The following EXT1 variants were observed in gnomAD, a reference collection of about 807,000 sequenced individuals.
EXT1 encodes the protein exostosin glycosyltransferase 1, also known as exostosin-1.
A neutral mutation model predicts 82.5 loss-of-function variants in EXT1; 20 were observed. The observed-to-expected ratio is 0.24, with a 90% CI of 0.17 to 0.35. EXT1 has a LOEUF of 0.35. Among genes scored for constraint, EXT1 ranks in the 10% least tolerant of loss-of-function variants. The pLI, the probability that EXT1 is intolerant of heterozygous loss-of-function variation, is 1.00. For missense variants in EXT1, 757 were observed against 936.5 expected (o/e 0.81, Z 2.50); for synonymous variants, 348 against 350.8 (o/e 0.99, Z 0.09).
chr8:117,938,938 C>T lies in EXT1; in HGVS notation c.963-101737G>A, dbSNP rs992968707. On this transcript the variant is annotated intron_variant, in intron 1 of 10. Transcript: ENST00000378204. ...CACACATTCACTGCCTCAGCTCCCA[C>T]GGAAACCCTTCGAGCATCCATCAGT... Among the ~76,000 whole-genome samples, 7 of 152,240 alleles carry T rather than the reference C, an allele frequency of 4.6e-5. No homozygotes were observed. In the East Asian group the frequency reaches 5.8e-4, roughly 13 times the overall value.
intron 1 of EXT1, among the ~76,000 whole-genome samples, chr8:117,988,655 T>A (rs1815372180): frequency 6.6e-6 from 1 of 152,062 alleles, no homozygotes; most frequent in African/African-American, 2.4e-5. Flanking sequence ...CCAACCCCAA[T>A]GTCAAGAGAG....
At chr8:117,968,549 ATTTATTT>A (rs1563615997) in intron 1 of EXT1, among the ~76,000 whole-genome samples, 1 of 11,318 alleles carries the variant, frequency 8.8e-5, no homozygotes, top group Non-Finnish European at 1.8e-4. Context: ...TTATTTATTT[ATTTATTT>A]TTTTTTTTTT....
At chr8:118,054,536 G>A (rs901924133) in intron 1 of EXT1, among the ~76,000 whole-genome samples, 16 of 152,174 alleles carry the variant, frequency 1.1e-4, no homozygotes, top group African/African-American at 3.9e-4. Flanking sequence ...CCCACACTTT[G>A]GCCAAGCATT....
At chr8:117,961,290 T>C (rs1814694853) in intron 1 of EXT1, among the ~76,000 whole-genome samples, 1 of 152,150 alleles carries the variant, frequency 6.6e-6, no homozygotes, top group Non-Finnish European at 1.5e-5. Context: ...GACTACAGGG[T>C]GCAGGTGACT....
Position 118,111,304 on chromosome 8 carries a change from C to A in EXT1, c.-258G>T. 3.3e-6 allele frequency: 2 copies of A among 610,590 alleles called. No homozygotes were observed. The highest frequency in any genetic ancestry group is 5.8e-6 in the Non-Finnish European group (2 of 346,108). 37.8% of individuals were successfully genotyped at this position (610,590 alleles called of 1,614,324 possible). The stretch of plus-strand genomic sequence containing the variant: ...AGAGAGCGGGGCTGAATATCTCGCA[C>A]CCAGGGCGGGCGAGCAGCGGACTGT... On this transcript the variant is annotated 5_prime_UTR_variant, in exon 1 of 11. Transcript: ENST00000378204.
At chr8:117,830,122 G>A in intron 4 of EXT1, 108 bp downstream of exon 4, 22 of 1,427,084 alleles carry the variant, frequency 1.5e-5, no homozygotes, top group Non-Finnish European at 2.1e-5. Flanking sequence ...CAGGAATCTG[G>A]TTTTGCCCCA....
At chr8:117,836,146 C>T (rs935926159) in intron 2 of EXT1, among the ~76,000 whole-genome samples, 5 of 152,060 alleles carry the variant, frequency 3.3e-5, no homozygotes, top group African/African-American at 4.8e-5. Context: ...TGGTCTGTGC[C>T]GGGAAATAAA....
At chr8:117,982,638 G>A (rs946933296) in intron 1 of EXT1, among the ~76,000 whole-genome samples, 6 of 152,012 alleles carry the variant, frequency 3.9e-5, no homozygotes, top group Non-Finnish European at 8.8e-5. Context: ...TTACAGGGGT[G>A]CGCCACCACA....
intron 1 of EXT1, among the ~76,000 whole-genome samples, chr8:117,958,841 T>A (rs1814639768): frequency 6.6e-6 from 1 of 152,238 alleles, no homozygotes; most frequent in African/African-American, 2.4e-5. Context: ...AAGGCCTTTT[T>A]TTCTTTCCTA....
chr8:117,909,228 T>G (rs537999353), intron 1 of EXT1, among the ~76,000 whole-genome samples: 1 of 152,122 alleles, frequency 6.6e-6, no homozygotes, highest in Non-Finnish European at 1.5e-5. Flanking sequence ...GAGTAAGACA[T>G]TGAGAAATGC....
intron 1 of EXT1, among the ~76,000 whole-genome samples, chr8:118,023,478 T>C (rs542114918): frequency 1.9e-4 from 29 of 152,320 alleles, no homozygotes; most frequent in African/African-American, 6.3e-4. Context: ...CTTCACTCTC[T>C]GAGCCATTTT....
intron 1 of EXT1, among the ~76,000 whole-genome samples, chr8:117,914,421 CA>C (rs1237873277): frequency 6.6e-6 from 1 of 152,058 alleles, no homozygotes; most frequent in Non-Finnish European, 1.5e-5. Flanking sequence ...AACAGAATAA[CA>C]GTGATTTTTA....
At position 118,111,017 on chromosome 8, in the gene EXT1, C is replaced by T. The variant is rs2130046048; in HGVS notation, c.30G>A (p.Leu10=). The T allele has an allele frequency of 1.9e-6, 3 of 1,602,358 alleles. No homozygotes were observed. The highest frequency in any genetic ancestry group is 1.7e-5 in the Admixed American group (1 of 59,842). ...GGGCGAGACAAGAGCCAGCTGAGAG[C>T]AGGATGAAATAGCGTTTTTTGGCCT... MQAKKRYFI[L]LSAGSCLALL... The change falls in exon 1 of 11, where the codon CTG becomes CTA. Residue 10 remains leucine (L), a synonymous_variant. Coordinates refer to ENST00000378204, the MANE Select transcript of EXT1 (RefSeq NM_000127.3).
intron 10 of EXT1, 148 bp downstream of exon 10, chr8:117,804,574 C>T (rs1823210274): frequency 2.3e-6 from 2 of 883,294 alleles, no homozygotes; most frequent in Admixed American, 3.7e-5. Context: ...CAATCATACA[C>T]TCTTTTCTAG....
chr8:117,861,425 G>A (rs867465385), intron 1 of EXT1, among the ~76,000 whole-genome samples: 3 of 150,640 alleles, frequency 2.0e-5, no homozygotes, highest in African/African-American at 7.3e-5. Context: ...TTTAAGTCCC[G>A]ATTTTGGGGG....
At chr8:118,051,660 T>A (rs1816719149) in intron 1 of EXT1, among the ~76,000 whole-genome samples, 1 of 152,226 alleles carries the variant, frequency 6.6e-6, no homozygotes, top group Admixed American at 6.5e-5. Context: ...GGTACAGAGT[T>A]AACTTACCAA....
At chr8:118,048,847 C>A (rs1816671432) in intron 1 of EXT1, among the ~76,000 whole-genome samples, 1 of 152,186 alleles carries the variant, frequency 6.6e-6, no homozygotes, top group Non-Finnish European at 1.5e-5. Flanking sequence ...CTTGGTTAAT[C>A]CCTTCTGAAC....
At chr8:118,085,485 T>G (rs1817401073) in intron 1 of EXT1, among the ~76,000 whole-genome samples, 3 of 151,368 alleles carry the variant, frequency 2.0e-5, no homozygotes, top group Middle Eastern at 3.4e-3. Flanking sequence ...TTTTGTTTTT[T>G]TTTTTTTTTT....
At chr8:117,870,925 C>T (rs1200267502) in intron 1 of EXT1, among the ~76,000 whole-genome samples, 1 of 151,840 alleles carries the variant, frequency 6.6e-6, no homozygotes, top group Non-Finnish European at 1.5e-5. Context: ...AAACAGCATT[C>T]AGGGGAATAC....
Sources: gnomAD v4.1 joint callset for allele counts (sites outside exome capture counted in the v4.1 genomes callset) on GRCh38, gnomAD v4.1.1 for gene constraint, MANE v1.5 for transcripts, NCBI Gene and HGNC (gene_info 2026-07-23, HGNC 2026-07-21) for gene names.